Variants in ZNF142 observed in about 807,000 individuals in gnomAD.
The protein encoded by ZNF142 is zinc finger protein 142.
ZNF142 carries 96 observed loss-of-function variants against 132.1 expected under a neutral mutation model. The observed-to-expected ratio is 0.73, with a 90% CI of 0.62 to 0.86. The LOEUF (loss-of-function observed/expected upper bound fraction) is 0.86, where lower values mean the gene tolerates loss of function less well. ZNF142 is among the 40% of genes least tolerant of loss of function. ZNF142 has a pLI of 0.00. For synonymous variants in ZNF142, 842 were observed against 890.1 expected (o/e 0.95, Z 0.96); for missense variants, 2,163 against 2,336.2 (o/e 0.93, Z 1.53).
chr2:218,653,151 G>A (rs1466359978), intron 4 of ZNF142, among the ~76,000 whole-genome samples: 3 of 151,952 alleles, frequency 2.0e-5, no homozygotes, highest in Admixed American at 6.6e-5. Flanking sequence ...GTGGTGGCAC[G>A]CACCTGTAGT....
At chr2:218,657,237 A>G (rs1046248126) in intron 3 of ZNF142, among the ~76,000 whole-genome samples, 1 of 152,002 alleles carries the variant, frequency 6.6e-6, no homozygotes, top group South Asian at 2.1e-4. Context: ...TTCTCCCCTC[A>G]GCAGATCTCT....
In ZNF142 at chr2:218,634,089, C is replaced by G. The variant is rs775423356; in HGVS notation, c.*4250G>C. The G allele has an allele frequency of 2.1e-5, 34 of 1,596,392 alleles. No individual in the cohort carries two copies. The highest frequency in any genetic ancestry group is 2.7e-5 in the Non-Finnish European group (32 of 1,171,450). On this transcript the variant is annotated 3_prime_UTR_variant, in exon 11 of 11. Coordinates refer to ENST00000411696, the MANE Select transcript of ZNF142 (RefSeq NM_001379659.1). The surrounding 1 kb of genome is among the most constrained non-coding windows in gnomAD (Gnocchi z 4.0). The stretch of plus-strand genomic sequence containing the variant: ...TTCCACCCCACTTCCATCTCCCTCT[C>G]TATACCCTTTTACAGGCAATGAGTT...
chr2:218,633,740 A>G lies in ZNF142; in HGVS notation c.*4599T>C. ...ATCATCTTTCTCTGAAACCAAGGCC[A>G]AGCGCCTCATCAAGGAGGCTGGTCA... On this transcript the variant is annotated 3_prime_UTR_variant, in exon 11 of 11. Transcript: ENST00000411696. The G allele has an allele frequency of 1.2e-6, 2 of 1,613,980 alleles. No individual in the cohort carries two copies. The highest frequency in any genetic ancestry group is 1.7e-6 in the Non-Finnish European group (2 of 1,179,880).
chr2:218,639,769 G>C (rs1315355426), intron 10 of ZNF142, among the ~76,000 whole-genome samples: 1 of 146,008 alleles, frequency 6.8e-6, no homozygotes, highest in African/African-American at 2.5e-5. Context: ...GAAATACTTA[G>C]GAGGGGCCGA....
rs772282172 is a variant in ZNF142, at chr2:218,638,481, C to T, written c.5522G>A (p.Arg1841His). 3.4e-5 allele frequency: 55 copies of T among 1,599,264 alleles called. No individual in the cohort carries two copies. In the Middle Eastern group the frequency reaches 1.3e-3, roughly 39 times the overall value. The part of the protein sequence containing the change: ...KQKFQVVKHV[R>H]RHHPDQADPN... ...GTCGGCTTGGTCAGGGTGGTGCCTG[C>T]GTACGTGCTTGACCACCTGGAACTT... Residue 1841 changes from arginine (R) to histidine (H), a missense_variant, in exon 11 of 11, where the codon CGC (arginine) becomes CAC (histidine). By Grantham distance (29) the Arg-to-His change is conservative. Around this residue, in one of 7 missense-constraint regions of ZNF142, gnomAD observed 325 missense variants for 367.8 expected, o/e 0.88. Coordinates refer to ENST00000411696, the MANE Select transcript of ZNF142 (RefSeq NM_001379659.1).
chr2:218,645,890 A>C (rs1575069007), intron 8 of ZNF142, among the ~76,000 whole-genome samples: 1 of 152,070 alleles, frequency 6.6e-6, no homozygotes, highest in African/African-American at 2.4e-5. Context: ...GCCTCCCAAG[A>C]AGCTGGCATT....
chr2:218,633,916 T>A lies in ZNF142; in HGVS notation c.*4423A>T. ...AGAGCAGACAAGGGCAGAGGAGTTA[T>A]GAATAGTGGCTCAAGGGTCTAGGGG... On this transcript the variant is annotated 3_prime_UTR_variant, in exon 11 of 11. Transcript: ENST00000411696. 2.5e-6 allele frequency: 3 copies of A among 1,201,604 alleles called. No individual in the cohort carries two copies. The highest frequency in any genetic ancestry group is 3.5e-6 in the Non-Finnish European group (3 of 851,074). The allele number at this position is 1,201,604 out of a possible 1,614,324, so 74.4% of individuals were successfully genotyped here.
In ZNF142 at chr2:218,633,784, G is replaced by A. The variant is rs771911013; in HGVS notation, c.*4555C>T. 6.2e-7 allele frequency: 1 copy of A among 1,612,740 alleles called. No individual in the cohort carries two copies. Among genetic ancestry groups the A allele is most frequent in the African/African-American group, 1.3e-5 (1 of 74,912 alleles). On this transcript the variant is annotated 3_prime_UTR_variant, in exon 11 of 11. Transcript: ENST00000411696. ...CTGGTCAGGACCAAAATGGAGGGAT[G>A]GGGAGGGAAGTGGGATGGATAGGTT... is the stretch of plus-strand genomic sequence containing the variant.
intron 6 of ZNF142, 37 bp downstream of exon 6, chr2:218,650,322 C>T: frequency 6.2e-7 from 1 of 1,613,244 alleles, no homozygotes; most frequent in Non-Finnish European, 8.5e-7. Flanking sequence ...CCATTCTTCC[C>T]CACCACCAAG....
intron 3 of ZNF142, among the ~76,000 whole-genome samples, 165 bp from the exon 4 acceptor site, chr2:218,656,628 T>A: frequency 6.6e-6 from 1 of 152,138 alleles, no homozygotes; most frequent in Admixed American, 6.5e-5. Context: ...TTTATGATAA[T>A]GTTCAGAACA....
chr2:218,641,713 A>G (rs1381894946), intron 9 of ZNF142, among the ~76,000 whole-genome samples: 1 of 152,080 alleles, frequency 6.6e-6, no homozygotes, highest in East Asian at 1.9e-4. Flanking sequence ...CTGATTAAGA[A>G]AAAGTTTTTG....
At chr2:218,648,594 T>C (rs769542952) in intron 7 of ZNF142, 41 bp downstream of exon 7, 12 of 1,576,424 alleles carry the variant, frequency 7.6e-6, no homozygotes, top group Admixed American at 5.2e-5. Flanking sequence ...ATCACCACCA[T>C]CATTATTACA....
chr2:218,638,917 A>AATGACC, intron 10 of ZNF142, 109 bp from the exon 11 acceptor site: 1 of 831,042 alleles, frequency 1.2e-6, no homozygotes, highest in Non-Finnish European at 1.8e-6. Context: ...CAAGTTGACT[A>AATGACC]ATGACCATCT....
Position 218,650,490 on chromosome 2 carries a change from T to C in ZNF142, c.917A>G (p.Gln306Arg), listed in dbSNP as rs367919699. The C allele has an allele frequency of 5.6e-6, 9 of 1,607,456 alleles. No homozygotes were observed. Among genetic ancestry groups the C allele is most frequent in the Non-Finnish European group, 7.6e-6 (9 of 1,177,072 alleles). The change falls in exon 6 of 11, where the codon CAG becomes CGG. Residue 306 changes from glutamine (Q) to arginine (R), a missense_variant. Physicochemically the swap from Gln to Arg is conservative, Grantham distance 43 (BLOSUM62 1). Coordinates refer to ENST00000411696, the MANE Select transcript of ZNF142 (RefSeq NM_001379659.1). ...KLPPGEREPS[Q>R]EAGTPLPGQE... is the part of the protein sequence containing the mutation. ...CCCAGGCAAGGGTGTACCTGCTTCC[T>C]GTGAAGGTTCTCTCTCTCCTGGAGG...
rs759613201 is a variant in ZNF142, at chr2:218,634,491, T to C, written c.*3848A>G. 3.1e-6 allele frequency: 5 copies of C among 1,613,840 alleles called. No individual in the cohort carries two copies. In the Admixed American group the frequency reaches 6.7e-5, roughly 22 times the overall value. On this transcript the variant is annotated 3_prime_UTR_variant, in exon 11 of 11. Coordinates refer to ENST00000411696, the MANE Select transcript of ZNF142 (RefSeq NM_001379659.1). This position sits in a 1 kb window ranked among gnomAD's most constrained non-coding sequence, Gnocchi z 4.0. ...AATATGCAGACTGCAGGGCTTGAAA[T>C]GGACATCTGTGATGGGCATTTCCGC...
chr2:218,653,828 A>C (rs1314751974), intron 4 of ZNF142, among the ~76,000 whole-genome samples: 2 of 152,024 alleles, frequency 1.3e-5, no homozygotes, highest in African/African-American at 4.8e-5. Flanking sequence ...TTCCCTGGGG[A>C]CCAAAAAAAT....
chr2:218,654,746 T>C (rs1938328472), intron 4 of ZNF142, among the ~76,000 whole-genome samples: 1 of 151,760 alleles, frequency 6.6e-6, no homozygotes, highest in Non-Finnish European at 1.5e-5. Context: ...TTTTATTTCT[T>C]CTTTAGAGCA....
At chr2:218,645,173 G>C in intron 8 of ZNF142, 109 bp from the exon 9 acceptor site, 1 of 1,375,612 alleles carries the variant, frequency 7.3e-7, no homozygotes, top group Non-Finnish European at 9.8e-7. Context: ...TATCATACAT[G>C]TGTCACCTGA....
chr2:218,640,528 C>A, intron 10 of ZNF142, 136 bp downstream of exon 10: 1 of 744,016 alleles, frequency 1.3e-6, no homozygotes, highest in South Asian at 1.7e-5. Context: ...CTGGCACATA[C>A]AACCCCACCC....
Sources: allele counts gnomAD v4.1 joint callset (sites outside exome capture counted in the v4.1 genomes callset), GRCh38; gene constraint gnomAD v4.1.1; regional missense constraint gnomAD v4.1.1; non-coding constraint Gnocchi (gnomAD v3.1); transcripts MANE v1.5; gene names NCBI Gene and HGNC (gene_info 2026-07-23, HGNC 2026-07-21).